Variants in ACTN2 observed in about 807,000 individuals in gnomAD.
ACTN2 encodes the protein alpha-actinin-2.
Under a neutral mutation model 113.8 loss-of-function variants are expected in ACTN2, and 39 were observed. The observed-to-expected ratio is 0.34, with a 90% CI of 0.27 to 0.45. The LOEUF (loss-of-function observed/expected upper bound fraction) is 0.45, where lower values mean the gene tolerates loss of function less well. Ranked by LOEUF, ACTN2 falls within the 20% of genes least tolerant of loss-of-function variation. The probability of loss-of-function intolerance (pLI) is 1.00; values close to 1 mark genes in which losing one functional copy is unlikely to be tolerated. For synonymous variants in ACTN2, 429 were observed against 444.1 expected (o/e 0.97, Z 0.43); for missense variants, 992 against 1,177.9 (o/e 0.84, Z 2.31).
At chr1:236,746,847 T>G (rs1659252881) in intron 12 of ACTN2, among the ~76,000 whole-genome samples, 1 of 152,232 alleles carries the variant, frequency 6.6e-6, no homozygotes, top group African/African-American at 2.4e-5. Context: ...ATTAGATGAG[T>G]CAGAACCTTT....
chr1:236,729,759 G>A (rs2102909474), intron 6 of ACTN2, among the ~76,000 whole-genome samples: 1 of 152,254 alleles, frequency 6.6e-6, no homozygotes. Context: ...CAAGCATATA[G>A]ACAGGGTACA....
chr1:236,750,957 T>C (rs1659374946), intron 14 of ACTN2, among the ~76,000 whole-genome samples: 1 of 151,764 alleles, frequency 6.6e-6, no homozygotes, highest in Non-Finnish European at 1.5e-5. Flanking sequence ...GGCATCATGA[T>C]GTATGCCCTA....
intron 12 of ACTN2, 113 bp from the exon 13 acceptor site, chr1:236,747,554 C>T (rs1220194999): frequency 2.2e-6 from 2 of 905,668 alleles, no homozygotes; most frequent in East Asian, 5.3e-5. Context: ...CATGTGGATA[C>T]ATTTCAGATG....
chr1:236,719,365 G>T (rs1237699167), intron 3 of ACTN2, among the ~76,000 whole-genome samples: 1 of 152,252 alleles, frequency 6.6e-6, no homozygotes, highest in Non-Finnish European at 1.5e-5. Flanking sequence ...AATTTGGTGA[G>T]GTCAGCGGGA....
At chr1:236,729,456 C>G (rs934467121) in intron 6 of ACTN2, among the ~76,000 whole-genome samples, 1 of 152,238 alleles carries the variant, frequency 6.6e-6, no homozygotes, top group Admixed American at 6.5e-5. Context: ...TCGCCATTCA[C>G]GTGCTGTTGC....
chr1:236,709,240 A>G (rs1382745856), intron 1 of ACTN2, among the ~76,000 whole-genome samples: 2 of 86,070 alleles, frequency 2.3e-5, no homozygotes, highest in Admixed American at 1.3e-4. Flanking sequence ...ATATATATAT[A>G]TATATATATA....
chr1:236,727,785 TC>T lies in ACTN2; in HGVS notation c.615+33del. ...ATTCTGGGTGGCCTGGCATGCAGTG[TC>T]CCCAGCCACGCGTCTCAGCATGTCC... is the stretch of plus-strand genomic sequence containing the variant. On this transcript the variant is annotated intron_variant, in intron 6 of 20. Coordinates refer to ENST00000366578, the MANE Select transcript of ACTN2 (RefSeq NM_001103.4). The T allele has an allele frequency of 1.9e-6, 3 of 1,608,284 alleles. No individual in the cohort carries two copies. In the South Asian group the frequency reaches 3.3e-5, roughly 18 times the overall value.
At chr1:236,719,709 G>A (rs898536658) in intron 3 of ACTN2, among the ~76,000 whole-genome samples, 25 of 151,724 alleles carry the variant, frequency 1.6e-4, no homozygotes, top group Non-Finnish European at 1.5e-5. Flanking sequence ...TGAGGCAGGA[G>A]AATTGCTTGA....
chr1:236,731,081 G>A (rs1572124959), intron 6 of ACTN2, 152 bp from the exon 7 acceptor site: 1 of 614,890 alleles, frequency 1.6e-6, no homozygotes. Context: ...TGTTTGAAGT[G>A]ATTGGGAAAA....
At chr1:236,692,171 A>G (rs1257781558) in intron 1 of ACTN2, among the ~76,000 whole-genome samples, 2 of 152,260 alleles carry the variant, frequency 1.3e-5, no homozygotes, top group African/African-American at 2.4e-5. Context: ...TGTTAGAAGC[A>G]GTGGTGAGGA....
intron 2 of ACTN2, among the ~76,000 whole-genome samples, chr1:236,718,491 T>C (rs543429063): frequency 5.3e-5 from 8 of 152,350 alleles, no homozygotes; most frequent in Admixed American, 5.2e-4. Context: ...TCTGTCTTCA[T>C]AATCAGGTGT....
chr1:236,720,103 A>G lies in ACTN2; in HGVS notation c.362-2A>G. ...ATTAATTTGTTGTTTTCTTACCTGC[A>G]GAAATTGTTGATGGCAACGTGAAAA... On this transcript the variant is annotated splice_acceptor_variant, in intron 3 of 20. Coordinates refer to ENST00000366578, the MANE Select transcript of ACTN2 (RefSeq NM_001103.4). LOFTEE classifies it high-confidence loss of function. 6.2e-7 allele frequency: 1 copy of G among 1,602,560 alleles called. No homozygotes were observed. The highest frequency in any genetic ancestry group is 8.6e-7 in the Non-Finnish European group (1 of 1,169,380).
intron 6 of ACTN2, among the ~76,000 whole-genome samples, chr1:236,730,180 C>G (rs1011068812): frequency 6.6e-6 from 1 of 152,102 alleles, no homozygotes; most frequent in Non-Finnish European, 1.5e-5. Flanking sequence ...ACTTAATTGG[C>G]ACATTTTATC....
intron 13 of ACTN2, among the ~76,000 whole-genome samples, chr1:236,748,478 A>G (rs1659300623): frequency 6.6e-6 from 1 of 152,238 alleles, no homozygotes; most frequent in Non-Finnish European, 1.5e-5. Context: ...GGAGGGAAAA[A>G]TGAACCTAAT....
chr1:236,748,462 A>G (rs538766390), intron 13 of ACTN2, among the ~76,000 whole-genome samples: 1 of 152,348 alleles, frequency 6.6e-6, no homozygotes, highest in South Asian at 2.1e-4. Context: ...AAAACATTTT[A>G]GAACAGGAGG....
chr1:236,738,869 C>T (rs536931509), intron 9 of ACTN2, among the ~76,000 whole-genome samples: 1 of 152,238 alleles, frequency 6.6e-6, no homozygotes, highest in African/African-American at 2.4e-5. Context: ...TAGATTTGAG[C>T]TTATTTTTTA....
chr1:236,716,843 T>TTC, intron 1 of ACTN2, among the ~76,000 whole-genome samples: 1 of 146,860 alleles, frequency 6.8e-6, no homozygotes, highest in Admixed American at 6.8e-5. Context: ...ACATTTTTTT[T>TTC]TTTTTTTTTG....
At chr1:236,710,238 CCCTTA>C (rs1203541288) in intron 1 of ACTN2, among the ~76,000 whole-genome samples, 4 of 152,164 alleles carry the variant, frequency 2.6e-5, no homozygotes, top group African/African-American at 7.2e-5. Flanking sequence ...ACTTTTCCTA[CCCTTA>C]CCTTAGGGAA....
intron 15 of ACTN2, 115 bp downstream of exon 15, chr1:236,751,767 G>A (rs961972329): frequency 2.3e-6 from 3 of 1,288,246 alleles, no homozygotes; most frequent in Non-Finnish European, 3.3e-6. Flanking sequence ...ATCATGATCA[G>A]GATTTTCCTT....
Sources: gnomAD v4.1 joint callset for allele counts (sites outside exome capture counted in the v4.1 genomes callset) on GRCh38, gnomAD v4.1.1 for gene constraint, MANE v1.5 for transcripts, NCBI Gene and HGNC (gene_info 2026-07-23, HGNC 2026-07-21) for gene names.